RBFOX1: variants seen among roughly 807,000 people sequenced by gnomAD.
RBFOX1 encodes RNA binding protein fox-1 homolog 1.
In RBFOX1, 8 loss-of-function variants were observed where a neutral mutation model predicts 57.7. The observed-to-expected ratio is 0.14, with a 90% confidence interval of 0.08 to 0.25. The LOEUF is 0.25. Ranked by LOEUF, RBFOX1 falls within the 10% of genes least tolerant of loss-of-function variation. The pLI, the probability that RBFOX1 is intolerant of heterozygous loss-of-function variation, is 1.00. For synonymous variants in RBFOX1, 326 were observed against 222.4 expected, an observed-to-expected ratio of 1.47 and a Z score of -4.15; for missense variants, 611 against 548.5, an observed-to-expected ratio of 1.11 and a Z score of -1.14.
chr16:5,782,678 G>A (rs1297525011), intron 3 of RBFOX1, among the ~76,000 whole-genome samples: 1 of 152,190 alleles, frequency 6.6e-6, no homozygotes, highest in Non-Finnish European at 1.5e-5. Flanking sequence ...ATGCATGCAT[G>A]TGCGTTCCTG....
intron 1 of RBFOX1, among the ~76,000 whole-genome samples, chr16:6,245,856 A>G (rs2097566307): frequency 6.6e-6 from 1 of 152,176 alleles, no homozygotes; most frequent in African/African-American, 2.4e-5. Context: ...CTTCATCAGG[A>G]TCTCCGCTTG....
At chr16:6,966,994 C>T (rs1206334353) in intron 3 of RBFOX1, among the ~76,000 whole-genome samples, 1 of 152,066 alleles carries the variant, frequency 6.6e-6, no homozygotes, top group Non-Finnish European at 1.5e-5. Flanking sequence ...TCTACTTATA[C>T]ATCCCTCTTT....
chr16:6,639,725 C>A (rs571607579), intron 2 of RBFOX1, among the ~76,000 whole-genome samples: 1 of 151,954 alleles, frequency 6.6e-6, no homozygotes, highest in African/African-American at 2.4e-5. Flanking sequence ...AAATACAAAA[C>A]CAAATTAGTT....
chr16:6,693,109 T>C (rs1280364713), intron 3 of RBFOX1, among the ~76,000 whole-genome samples: 1 of 148,832 alleles, frequency 6.7e-6, no homozygotes, highest in Non-Finnish European at 1.5e-5. Flanking sequence ...ATCATCCTCA[T>C]CCTCCCCCAC....
chr16:7,079,198 C>G (rs973516020), intron 4 of RBFOX1, among the ~76,000 whole-genome samples: 1 of 152,176 alleles, frequency 6.6e-6, no homozygotes, highest in South Asian at 2.1e-4. Flanking sequence ...CTGCACCATC[C>G]AGGCGCGGGA....
In RBFOX1 at chr16:6,383,591, G is replaced by T. The variant is rs902346108; in HGVS notation, c.-64+66534G>T. Among the ~76,000 whole-genome samples the T allele has an allele frequency of 3.3e-5, 5 of 152,182 alleles. No homozygotes were observed. The East Asian group carries it at 9.7e-4, about 29-fold the overall frequency. On this transcript the variant is annotated intron_variant, in intron 2 of 15. Transcript: ENST00000550418. ...AGTTCGAGACTGGCCTGGCCAACATGGTGAAACCCCGTGTCTACTGAAAAT... is the reference window on the plus strand; with the variant it reads ...AGTTCGAGACTGGCCTGGCCAACATTGTGAAACCCCGTGTCTACTGAAAAT...
chr16:6,059,962 C>T (rs925640238), intron 1 of RBFOX1, among the ~76,000 whole-genome samples: 2 of 152,042 alleles, frequency 1.3e-5, no homozygotes, highest in South Asian at 2.1e-4. Flanking sequence ...AGATGAAGGA[C>T]ATTCTGGCTC....
chr16:6,061,138 A>G (rs142759439), intron 1 of RBFOX1, among the ~76,000 whole-genome samples: 42 of 152,268 alleles, frequency 2.8e-4, no homozygotes, highest in African/African-American at 9.6e-4. Context: ...AATCTGCTGG[A>G]CCAGAGGAGG....
intron 4 of RBFOX1, among the ~76,000 whole-genome samples, chr16:7,345,445 T>G (rs1475801188): frequency 1.3e-5 from 2 of 152,170 alleles, no homozygotes; most frequent in Non-Finnish European, 2.9e-5. Context: ...TGGTGGGGGC[T>G]TAAGGATTCT....
At chr16:6,241,405 TTAA>T (rs1236347508) in intron 1 of RBFOX1, among the ~76,000 whole-genome samples, 3 of 152,180 alleles carry the variant, frequency 2.0e-5, no homozygotes, top group African/African-American at 7.2e-5. Context: ...CTCATGGTAC[TTAA>T]TAAATTGTCA....
intron 4 of RBFOX1, among the ~76,000 whole-genome samples, chr16:7,067,780 GTGT>G (rs1034467922): frequency 2.1e-5 from 3 of 145,512 alleles, no homozygotes; most frequent in African/African-American, 7.7e-5. Flanking sequence ...GTGAGAATAT[GTGT>G]TGTTTGATTT....
At chr16:5,507,469 G>T (rs568635156) in intron 2 of RBFOX1, among the ~76,000 whole-genome samples, 8 of 152,254 alleles carry the variant, frequency 5.3e-5, no homozygotes, top group Admixed American at 2.0e-4. Flanking sequence ...GAGAGAGCAG[G>T]CAGCTTCCCA....
At chr16:5,438,447 T>C (rs1222114827) in intron 1 of RBFOX1, among the ~76,000 whole-genome samples, 1 of 152,168 alleles carries the variant, frequency 6.6e-6, no homozygotes, top group Admixed American at 6.6e-5. Context: ...GGCCTAACAC[T>C]TCAAGTGCTG....
At chr16:7,240,931 C>A (rs886138212) in intron 4 of RBFOX1, among the ~76,000 whole-genome samples, 1 of 152,194 alleles carries the variant, frequency 6.6e-6, no homozygotes, top group African/African-American at 2.4e-5. Context: ...TAAACAGCAG[C>A]ACAAAAAGTT....
chr16:5,390,420 C>CT (rs2066374741), intron 1 of RBFOX1, among the ~76,000 whole-genome samples: 1 of 150,674 alleles, frequency 6.6e-6, no homozygotes, highest in Non-Finnish European at 1.5e-5. Context: ...TCCTGAGTAG[C>CT]TGGGATTACA....
At chr16:6,859,603 T>C (rs529263285) in intron 3 of RBFOX1, among the ~76,000 whole-genome samples, 43 of 152,200 alleles carry the variant, frequency 2.8e-4, no homozygotes, top group Non-Finnish European at 5.3e-4. Flanking sequence ...GCTTCAGAGA[T>C]CTTCCTGCCG....
At chr16:6,634,147 T>C (rs1400847387) in intron 2 of RBFOX1, among the ~76,000 whole-genome samples, 1 of 152,148 alleles carries the variant, frequency 6.6e-6, no homozygotes, top group Non-Finnish European at 1.5e-5. Flanking sequence ...TTATTGTGAG[T>C]AATTCATGGA....
chr16:7,350,167 G>T (rs1033265393), intron 4 of RBFOX1, among the ~76,000 whole-genome samples: 1 of 151,982 alleles, frequency 6.6e-6, no homozygotes, highest in East Asian at 1.9e-4. Context: ...AAAAAAAATG[G>T]TTACATGGTA....
chr16:5,764,115 C>G (rs1324440754), intron 3 of RBFOX1, among the ~76,000 whole-genome samples: 2 of 152,132 alleles, frequency 1.3e-5, no homozygotes, highest in African/African-American at 4.8e-5. Context: ...CTGTGAAAGT[C>G]TTTTGCAACC....
Sources: allele counts gnomAD v4.1 joint callset (sites outside exome capture counted in the v4.1 genomes callset), GRCh38; gene constraint gnomAD v4.1.1; transcripts MANE v1.5; gene names NCBI Gene and HGNC (gene_info 2026-07-23, HGNC 2026-07-21).